The following C9orf85 variants were observed in gnomAD, a reference collection of about 807,000 sequenced individuals.
C9orf85 encodes the protein chromosome 9 open reading frame 85, also known as uncharacterized protein C9orf85.
C9orf85 carries 16 observed loss-of-function variants against 14.9 expected under a neutral mutation model. That is an observed-to-expected ratio of 1.08 (90% CI 0.73 to 1.63). The LOEUF (loss-of-function observed/expected upper bound fraction) is 1.63, where lower values mean the gene tolerates loss of function less well. Ranked by LOEUF, C9orf85 falls within the 40% of genes most tolerant of loss-of-function variation. C9orf85 has a pLI of 0.00. For missense variants in C9orf85, 172 were observed against 186.1 expected (o/e 0.92, Z 0.44); for synonymous variants, 45 against 56.8 (o/e 0.79, Z 0.93).
At chr9:71,985,462 C>T (rs1293744341), downstream of C9orf85, 6 of 152,246 alleles carry the variant, frequency 3.9e-5, no homozygotes, top group Non-Finnish European at 8.8e-5. Flanking sequence ...GTTAGAAATG[C>T]AAATTCTTGG....
downstream of C9orf85, chr9:71,984,003 C>T (rs529855308): frequency 1.6e-4 from 25 of 152,312 alleles, no homozygotes; most frequent in African/African-American, 5.8e-4. Flanking sequence ...ATAACTGGAC[C>T]TTCCTTTAAT....
At chr9:71,918,990 T>C (rs1469468862) in intron 1 of C9orf85, among the ~76,000 whole-genome samples, 1 of 149,692 alleles carries the variant, frequency 6.7e-6, no homozygotes, top group African/African-American at 2.5e-5. Context: ...CCAAAAAGGT[T>C]GGGGACTGCT....
At chr9:71,973,772 C>T (rs554097659), downstream of C9orf85, among the ~76,000 whole-genome samples, 81 of 151,360 alleles carry the variant, frequency 5.4e-4, no homozygotes, top group South Asian at 6.2e-4. Flanking sequence ...TGGCACTATT[C>T]TGAATTTTGA....
At chr9:71,912,355 A>G (rs1827526899) in intron 1 of C9orf85, among the ~76,000 whole-genome samples, 1 of 152,162 alleles carries the variant, frequency 6.6e-6, no homozygotes, top group Non-Finnish European at 1.5e-5. Context: ...ATGTAAAAAT[A>G]CTTGTTTTGC....
chr9:71,970,876 A>G (rs1475395839), intron 2 of C9orf85, among the ~76,000 whole-genome samples: 1 of 147,816 alleles, frequency 6.8e-6, no homozygotes, highest in Non-Finnish European at 1.5e-5. Flanking sequence ...GCCCAGGCTG[A>G]AGTACTGTGG....
chr9:71,912,615 C>T (rs1407031943), intron 1 of C9orf85, among the ~76,000 whole-genome samples: 1 of 151,714 alleles, frequency 6.6e-6, no homozygotes, highest in Non-Finnish European at 1.5e-5. Flanking sequence ...GGCGTGGTGG[C>T]GGGCGCTTGT....
intron 1 of C9orf85, among the ~76,000 whole-genome samples, chr9:71,935,150 A>T (rs1268686313): frequency 6.6e-6 from 1 of 152,198 alleles, no homozygotes; most frequent in Non-Finnish European, 1.5e-5. Context: ...ACCTTTGTTT[A>T]TTACTCTTCG....
chr9:71,930,813 A>G (rs1828055001), intron 1 of C9orf85, among the ~76,000 whole-genome samples: 1 of 135,116 alleles, frequency 7.4e-6, no homozygotes, highest in African/African-American at 2.5e-5. Flanking sequence ...CAAAAAAAAA[A>G]AAAAAAAAAA....
intron 3 of C9orf85, among the ~76,000 whole-genome samples, chr9:71,982,498 A>G (rs1393391291): frequency 2.0e-5 from 3 of 152,294 alleles, no homozygotes; most frequent in South Asian, 4.2e-4. Context: ...CCCTTTTACA[A>G]TCCTAGAGCT....
chr9:71,938,024 T>C (rs567835214), intron 1 of C9orf85, among the ~76,000 whole-genome samples: 39 of 152,240 alleles, frequency 2.6e-4, no homozygotes, highest in African/African-American at 8.7e-4. Context: ...TTCAAAAGTA[T>C]TTCTGGGCTA....
At chr9:71,956,242 G>GTTTTTTTTTTTTTTTTTTTTTTTTTTTTT (rs60432625) in intron 2 of C9orf85, among the ~76,000 whole-genome samples, 1 of 51,012 alleles carries the variant, frequency 2.0e-5, no homozygotes, top group African/African-American at 6.9e-5. Flanking sequence ...GAATGCAAAA[G>GTTTTTTTTTTTTTTTTTTTTTTTTTTTTT]TTTTTTTTTT....
chr9:71,927,548 TGGAGAAGCCA>T (rs1417601640), intron 1 of C9orf85, among the ~76,000 whole-genome samples: 1 of 152,134 alleles, frequency 6.6e-6, no homozygotes, highest in Non-Finnish European at 1.5e-5. Context: ...GTTTGGGTGG[TGGAGAAGCCA>T]CAAACAAGAA....
In C9orf85 at chr9:71,929,863, A is replaced by G. The variant is rs111629528; in HGVS notation, c.103-17143A>G. On this transcript the variant is annotated intron_variant, in intron 1 of 3. Transcript: ENST00000334731. The stretch of plus-strand genomic sequence containing the variant: ...CTTGTAACTTAATAGCATGCCTTAA[A>G]CTTAAAGATATCTTTTTATGGATTC... Among the ~76,000 whole-genome samples, 2 of 150,210 alleles carry G rather than the reference A, an allele frequency of 1.3e-5. 1 individual carries two copies. The highest frequency in any genetic ancestry group is 4.9e-5 in the African/African-American group (2 of 40,776).
At chr9:71,978,129 A>T (rs1212015468), downstream of C9orf85, among the ~76,000 whole-genome samples, 2 of 152,166 alleles carry the variant, frequency 1.3e-5, no homozygotes, top group Non-Finnish European at 2.9e-5. Context: ...TAATTTTTTG[A>T]GACGGAGTCT....
rs71353543 is a variant in C9orf85 at position 71,936,770 on chromosome 9, C to CTT, written c.103-10218_103-10217dup. 8.9e-3 allele frequency among the ~76,000 whole-genome samples: 792 copies of CTT among 89,178 alleles called. 12 individuals carry two copies. The highest frequency in any genetic ancestry group is 0.028 in the African/African-American group (726 of 25,800). 58.5% of individuals were successfully genotyped at this position (89,178 alleles called of 152,430 possible). A position where few individuals can be genotyped will look rare whatever the true frequency, so the allele number is the denominator to read the frequency against. On this transcript the variant is annotated intron_variant, in intron 1 of 3. Coordinates refer to ENST00000334731, the MANE Select transcript of C9orf85 (RefSeq NM_182505.5). ...TTCATACTAGAGTTCTTTGTTCAAG[C>CTT]TTTTTTTTTTTTTTTTTTTGAGACA...
chr9:71,950,160 T>C (rs1008991935), intron 2 of C9orf85, among the ~76,000 whole-genome samples: 9 of 152,114 alleles, frequency 5.9e-5, no homozygotes, highest in Non-Finnish European at 1.3e-4. Context: ...GGATTGAGAG[T>C]GTTATAGAAA....
At chr9:71,929,992 T>C (rs1828032584) in intron 1 of C9orf85, among the ~76,000 whole-genome samples, 2 of 151,040 alleles carry the variant, frequency 1.3e-5, no homozygotes, top group Admixed American at 6.6e-5. Flanking sequence ...TACCTACTCG[T>C]AGCCACAAGA....
chr9:71,946,513 G>A (rs1178820174), intron 1 of C9orf85, among the ~76,000 whole-genome samples: 1 of 152,104 alleles, frequency 6.6e-6, no homozygotes, highest in Non-Finnish European at 1.5e-5. Flanking sequence ...CTAGATGAGG[G>A]CCAGGCCCCA....
At chr9:71,928,186 CAAAAAAAAAAAAAAAAAAA>C in intron 1 of C9orf85, among the ~76,000 whole-genome samples, 1 of 74,278 alleles carries the variant, frequency 1.3e-5, no homozygotes. Context: ...GGCTCTGTCT[CAAAAAAAAAAAAAAAAAAA>C]AAAAAAAAAA....
Sources: allele counts gnomAD v4.1 joint callset (sites outside exome capture counted in the v4.1 genomes callset), GRCh38; gene constraint gnomAD v4.1.1; transcripts MANE v1.5; gene names NCBI Gene and HGNC (gene_info 2026-07-23, HGNC 2026-07-21).